SEMA6D: variants seen among roughly 807,000 people sequenced by gnomAD.
SEMA6D encodes the protein semaphorin-6D.
Under a neutral mutation model 106.6 loss-of-function variants are expected in SEMA6D, and 35 were observed. The observed-to-expected ratio is 0.33, with a 90% confidence interval of 0.25 to 0.44. The LOEUF is 0.44. SEMA6D is among the 20% of genes least tolerant of loss of function. SEMA6D has a pLI of 1.00. For synonymous variants in SEMA6D, 499 were observed against 487.7 expected, an observed-to-expected ratio of 1.02 and a Z score of -0.31; for missense variants, 1,185 against 1,345.9, an observed-to-expected ratio of 0.88 and a Z score of 1.87.
At chr15:47,736,100 A>G (rs954359669) in intron 1 of SEMA6D, among the ~76,000 whole-genome samples, 4 of 88,192 alleles carry the variant, frequency 4.5e-5, no homozygotes, top group Non-Finnish European at 8.0e-5. Flanking sequence ...ATTGTATTCA[A>G]TTTATTTTAT....
At chr15:47,186,479 T>C (rs900045926) in intron 1 of SEMA6D, among the ~76,000 whole-genome samples, 1 of 152,146 alleles carries the variant, frequency 6.6e-6, no homozygotes, top group Non-Finnish European at 1.5e-5. Flanking sequence ...CTCTCTCTCT[T>C]TTATCATAAT....
chr15:47,482,452 G>C (rs950457716), intron 3 of SEMA6D, among the ~76,000 whole-genome samples: 17 of 151,986 alleles, frequency 1.1e-4, no homozygotes, highest in African/African-American at 4.1e-4. Flanking sequence ...ACAGTCCTCT[G>C]GGTACCCTTT....
At chr15:47,213,603 C>T (rs192490121) in intron 1 of SEMA6D, among the ~76,000 whole-genome samples, 3 of 152,294 alleles carry the variant, frequency 2.0e-5, no homozygotes, top group African/African-American at 7.2e-5. Flanking sequence ...TAGCTATCCC[C>T]AGGTTTTTGA....
At chr15:47,551,498 G>C (rs1456850645) in intron 3 of SEMA6D, among the ~76,000 whole-genome samples, 1 of 152,214 alleles carries the variant, frequency 6.6e-6, no homozygotes, top group Non-Finnish European at 1.5e-5. Flanking sequence ...TGTGGTCTAG[G>C]ATGGAGGCAG....
At chr15:47,464,909 T>C (rs1350901333) in intron 2 of SEMA6D, among the ~76,000 whole-genome samples, 1 of 152,166 alleles carries the variant, frequency 6.6e-6, no homozygotes, top group Non-Finnish European at 1.5e-5. Context: ...TTTACTCTAT[T>C]AAGAGACTCT....
At chr15:47,309,583 A>T (rs1357001768) in intron 1 of SEMA6D, among the ~76,000 whole-genome samples, 1 of 152,168 alleles carries the variant, frequency 6.6e-6, no homozygotes, top group African/African-American at 2.4e-5. Context: ...GACACAGTGT[A>T]TTTAGGATGT....
chr15:47,314,636 TG>T (rs1372484684), intron 1 of SEMA6D, among the ~76,000 whole-genome samples: 7 of 149,094 alleles, frequency 4.7e-5, no homozygotes, highest in Non-Finnish European at 1.0e-4. Flanking sequence ...TTGTATATTT[TG>T]GGTAACAGGG....
At chr15:47,724,846 A>G (rs574426256) in intron 1 of SEMA6D, among the ~76,000 whole-genome samples, 3 of 152,314 alleles carry the variant, frequency 2.0e-5, no homozygotes, top group Non-Finnish European at 4.4e-5. Context: ...GTGGCAATTC[A>G]CTAGATTGCT....
intron 3 of SEMA6D, among the ~76,000 whole-genome samples, chr15:47,503,689 TCACACACACA>T (rs142397320): frequency 2.7e-5 from 4 of 148,594 alleles, no homozygotes; most frequent in African/African-American, 4.9e-5. Context: ...TCTCTCTCTG[TCACACACACA>T]CACACACACA....
At chr15:47,324,758 A>G (rs1192672592) in intron 1 of SEMA6D, among the ~76,000 whole-genome samples, 2 of 151,544 alleles carry the variant, frequency 1.3e-5, no homozygotes, top group East Asian at 3.9e-4. Flanking sequence ...GTGTGTATAT[A>G]TATAGTAATG....
At chr15:47,465,193 C>G (rs941325108) in intron 2 of SEMA6D, among the ~76,000 whole-genome samples, 6 of 152,164 alleles carry the variant, frequency 3.9e-5, no homozygotes, top group African/African-American at 1.4e-4. Flanking sequence ...TCAGTAGATG[C>G]ATTTTGACCA....
chr15:47,501,561 G>A (rs2043848385), intron 3 of SEMA6D, among the ~76,000 whole-genome samples: 1 of 152,120 alleles, frequency 6.6e-6, no homozygotes, highest in Non-Finnish European at 1.5e-5. Context: ...TCAGAAACTA[G>A]GTCTATATCT....
chr15:47,741,735 A>G (rs2080831320), intron 1 of SEMA6D, among the ~76,000 whole-genome samples: 1 of 152,178 alleles, frequency 6.6e-6, no homozygotes, highest in African/African-American at 2.4e-5. Flanking sequence ...GTAAAAAGAA[A>G]ACAAAATAAG....
chr15:47,276,277 G>C (rs1414503752), intron 1 of SEMA6D, among the ~76,000 whole-genome samples: 4 of 152,118 alleles, frequency 2.6e-5, no homozygotes, highest in Non-Finnish European at 5.9e-5. Context: ...GAAGAGGGTG[G>C]CTACTCTAAA....
chr15:47,197,191 A>G (rs904683180), intron 1 of SEMA6D, among the ~76,000 whole-genome samples: 1 of 152,054 alleles, frequency 6.6e-6, no homozygotes, highest in African/African-American at 2.4e-5. Flanking sequence ...AACCTGTGAG[A>G]TTTTACTCTC....
At chr15:47,373,653 T>C (rs1280434121) in intron 1 of SEMA6D, among the ~76,000 whole-genome samples, 1 of 152,158 alleles carries the variant, frequency 6.6e-6, no homozygotes, top group Non-Finnish European at 1.5e-5. Context: ...ATGTGATGAG[T>C]AAGTTGGGTG....
In SEMA6D at chr15:47,617,195, G is replaced by A. The variant is rs2077022864; in HGVS notation, c.-55+16299G>A. Among the ~76,000 whole-genome samples, 3 of 152,102 alleles carry A rather than the reference G, an allele frequency of 2.0e-5. No individual in the cohort carries two copies. In the South Asian group the frequency reaches 6.2e-4, roughly 32 times the overall value. ...TTACTGTTTCTCCAGTCTCTTCCAA[G>A]GTTACCTACCTTCTCTGGCAGAGGA... On this transcript the variant is annotated intron_variant, in intron 4 of 19. Coordinates refer to the SEMA6D transcript ENST00000558014.
intron 1 of SEMA6D, among the ~76,000 whole-genome samples, chr15:47,755,664 C>A (rs1021944252): frequency 1.3e-5 from 2 of 151,730 alleles, no homozygotes; most frequent in South Asian, 4.2e-4. Flanking sequence ...TAGAGTGTAG[C>A]TTGTCAGAGG....
At chr15:47,506,189 A>G (rs2044032115) in intron 3 of SEMA6D, among the ~76,000 whole-genome samples, 1 of 152,032 alleles carries the variant, frequency 6.6e-6, no homozygotes, top group African/African-American at 2.4e-5. Flanking sequence ...CCAGGGAGAA[A>G]ATTTCCTGTG....
Sources: allele counts gnomAD v4.1 joint callset (sites outside exome capture counted in the v4.1 genomes callset), GRCh38; gene constraint gnomAD v4.1.1; transcripts MANE v1.5; gene names NCBI Gene and HGNC (gene_info 2026-07-23, HGNC 2026-07-21).